Variants in PRKCE observed in about 807,000 individuals in gnomAD.
PRKCE encodes protein kinase C epsilon, also known as protein kinase C epsilon type.
PRKCE carries 16 observed loss-of-function variants against 85.4 expected under a neutral mutation model. The observed-to-expected ratio is 0.19, with a 90% CI of 0.13 to 0.28. PRKCE has a LOEUF of 0.28. PRKCE is among the 10% of genes least tolerant of loss of function. The probability of loss-of-function intolerance (pLI) is 1.00; values close to 1 mark genes in which losing one functional copy is unlikely to be tolerated. For synonymous variants in PRKCE, 388 were observed against 371.5 expected, an observed-to-expected ratio of 1.04 and a Z score of -0.51; for missense variants, 573 against 975.2, an observed-to-expected ratio of 0.59 and a Z score of 5.49.
At position 45,744,531 on chromosome 2, in the gene PRKCE, T is replaced by C. The variant is rs55985983; in HGVS notation, c.348+92083T>C. The stretch of plus-strand genomic sequence containing the variant: ...TTCTTTCTTTCTTTCTTTCTTTTTC[T>C]TTCCTTCTTTCTTTCTTTCTTCCTT... On this transcript the variant is annotated intron_variant, in intron 1 of 14. Transcript: ENST00000306156. Among the ~76,000 whole-genome samples, 39 of 36,138 alleles carry C rather than the reference T, an allele frequency of 1.1e-3. 1 individual carries two copies. Among genetic ancestry groups the C allele is most frequent in the African/African-American group, 3.2e-3 (38 of 11,768 alleles). 23.7% of individuals were successfully genotyped at this position (36,138 alleles called of 152,430 possible). A position where few individuals can be genotyped will look rare whatever the true frequency, so the allele number is the denominator to read the frequency against.
chr2:46,015,202 G>C (rs1214448751), intron 10 of PRKCE, among the ~76,000 whole-genome samples: 4 of 152,064 alleles, frequency 2.6e-5, no homozygotes, highest in Admixed American at 2.6e-4. Flanking sequence ...CAAGGGATAG[G>C]AGAACCACTG....
intron 2 of PRKCE, among the ~76,000 whole-genome samples, chr2:45,876,359 C>A (rs1015183655): frequency 1.3e-5 from 2 of 152,196 alleles, no homozygotes; most frequent in Non-Finnish European, 2.9e-5. Flanking sequence ...ATCTTTGCCT[C>A]GCATTTCATA....
In PRKCE at chr2:46,035,224, C is replaced by T. The variant is rs1461874756; in HGVS notation, c.1437+24707C>T. Among the ~76,000 whole-genome samples, 11 of 152,366 alleles carry T rather than the reference C, an allele frequency of 7.2e-5. No homozygotes were observed. In the East Asian group the frequency reaches 1.5e-3, roughly 21 times the overall value. On this transcript the variant is annotated intron_variant, in intron 10 of 14. Transcript: ENST00000306156. ...CAGGCCTGCCCATAGCTCATGACAC[C>T]ACACTTCAGGATTTCTTTGATACCT...
intron 6 of PRKCE, among the ~76,000 whole-genome samples, chr2:45,987,961 A>C (rs1485685676): frequency 6.6e-6 from 1 of 152,210 alleles, no homozygotes; most frequent in Non-Finnish European, 1.5e-5. Flanking sequence ...TACTATGATT[A>C]CTAAGAAAAA....
intron 1 of PRKCE, among the ~76,000 whole-genome samples, chr2:45,767,862 G>C (rs1438114253): frequency 6.6e-6 from 1 of 152,182 alleles, no homozygotes; most frequent in Non-Finnish European, 1.5e-5. Context: ...GCCTCCTAGA[G>C]CATTGTAAAC....
At chr2:45,838,241 C>A (rs936362750) in intron 1 of PRKCE, among the ~76,000 whole-genome samples, 2 of 152,188 alleles carry the variant, frequency 1.3e-5, no homozygotes, top group African/African-American at 4.8e-5. Flanking sequence ...GACTGCACCT[C>A]GGACTGGATT....
At chr2:45,715,184 G>A (rs1323352624) in intron 1 of PRKCE, among the ~76,000 whole-genome samples, 1 of 152,214 alleles carries the variant, frequency 6.6e-6, no homozygotes, top group Non-Finnish European at 1.5e-5. Flanking sequence ...TGTGCATGAC[G>A]CTGTGCAGCG....
At chr2:45,758,036 A>C (rs1684153650) in intron 1 of PRKCE, among the ~76,000 whole-genome samples, 1 of 152,230 alleles carries the variant, frequency 6.6e-6, no homozygotes, top group Admixed American at 6.5e-5. Context: ...AGACGGAATC[A>C]ACAGGCTTTG....
At chr2:46,171,507 A>G (rs978254682) in intron 14 of PRKCE, among the ~76,000 whole-genome samples, 1 of 152,228 alleles carries the variant, frequency 6.6e-6, no homozygotes, top group African/African-American at 2.4e-5. Flanking sequence ...CCGGCAGTTC[A>G]TCATGGGAGG....
At chr2:45,724,216 C>T (rs1680868606) in intron 1 of PRKCE, among the ~76,000 whole-genome samples, 2 of 152,160 alleles carry the variant, frequency 1.3e-5, no homozygotes, top group East Asian at 1.9e-4. Context: ...ACATTTTGGT[C>T]ATTTCTGCAA....
Position 46,037,540 on chromosome 2 carries a change from G to A in PRKCE, c.1437+27023G>A, listed in dbSNP as rs559448116. On this transcript the variant is annotated intron_variant, in intron 10 of 14. Coordinates refer to ENST00000306156, the MANE Select transcript of PRKCE (RefSeq NM_005400.3). ...CTCAGGCGAACGCTTCCATCCCCAG[G>A]TTGGTAACACTATAGCTGAGTATTG... Among the ~76,000 whole-genome samples the A allele has an allele frequency of 3.9e-5, 6 of 152,282 alleles. No homozygotes were observed. The Middle Eastern group carries it at 0.014, about 345-fold the overall frequency.
intron 1 of PRKCE, chr2:45,675,242 C>A (rs951395048): frequency 6.6e-6 from 1 of 152,218 alleles, no homozygotes; most frequent in Admixed American, 6.5e-5. Flanking sequence ...AAAACGTTTC[C>A]CCAGACCAGG....
At chr2:46,116,848 A>G (rs1204193631) in intron 11 of PRKCE, among the ~76,000 whole-genome samples, 1 of 152,162 alleles carries the variant, frequency 6.6e-6, no homozygotes, top group African/African-American at 2.4e-5. Flanking sequence ...CTGAGAGTGT[A>G]CTGCAGCGGT....
intron 10 of PRKCE, among the ~76,000 whole-genome samples, chr2:46,014,848 A>C (rs1289557402): frequency 6.6e-6 from 1 of 152,264 alleles, no homozygotes; most frequent in African/African-American, 2.4e-5. Context: ...GGGTAAAGAC[A>C]TGGCTGCTGA....
intron 1 of PRKCE, among the ~76,000 whole-genome samples, chr2:45,750,081 T>A (rs1683429736): frequency 1.3e-5 from 2 of 152,108 alleles, no homozygotes; most frequent in Admixed American, 1.3e-4. Flanking sequence ...TTCATCTCCT[T>A]TGTTCTACAC....
At chr2:45,653,830 C>A (rs751236901) in intron 1 of PRKCE, among the ~76,000 whole-genome samples, 2 of 152,186 alleles carry the variant, frequency 1.3e-5, no homozygotes, top group Non-Finnish European at 2.9e-5. Flanking sequence ...AGCAGGCAAA[C>A]CTTTATGGAA....
chr2:45,666,352 G>T (rs565841309), intron 1 of PRKCE, among the ~76,000 whole-genome samples: 51 of 151,946 alleles, frequency 3.4e-4, no homozygotes, highest in African/African-American at 1.2e-3. Flanking sequence ...ACCCACCATT[G>T]TCTCCTGCCA....
chr2:45,683,326 C>T (rs1677050638), intron 1 of PRKCE, among the ~76,000 whole-genome samples: 1 of 152,148 alleles, frequency 6.6e-6, no homozygotes, highest in Non-Finnish European at 1.5e-5. Flanking sequence ...AATTTTTTCC[C>T]CTCAAGCAGT....
At chr2:46,084,085 A>C (rs1669354784) in intron 10 of PRKCE, among the ~76,000 whole-genome samples, 1 of 152,186 alleles carries the variant, frequency 6.6e-6, no homozygotes, top group Non-Finnish European at 1.5e-5. Flanking sequence ...TGATTGAATA[A>C]ACAGTGGGCA....
Sources: gnomAD v4.1 joint callset for allele counts (sites outside exome capture counted in the v4.1 genomes callset) on GRCh38, gnomAD v4.1.1 for gene constraint, MANE v1.5 for transcripts, NCBI Gene and HGNC (gene_info 2026-07-23, HGNC 2026-07-21) for gene names.